The following EYS variants were observed in gnomAD, a reference collection of about 807,000 sequenced individuals.
EYS encodes the protein protein eyes shut homolog.
In EYS, 250 loss-of-function variants were observed where a neutral mutation model predicts 282.1. The observed-to-expected ratio is 0.89, with a 90% CI of 0.80 to 0.98. EYS has a LOEUF of 0.98. EYS is among the 50% of genes least tolerant of loss of function. The probability of loss-of-function intolerance (pLI) is 0.00; values close to 1 mark genes in which losing one functional copy is unlikely to be tolerated. For synonymous variants in EYS, 1,355 were observed against 1,282.9 expected (o/e 1.06, Z -1.20); for missense variants, 4,016 against 3,709.0 (o/e 1.08, Z -2.15).
chr6:65,577,769 C>T (rs1305838057), intron 2 of EYS, among the ~76,000 whole-genome samples: 2 of 139,074 alleles, frequency 1.4e-5, no homozygotes, highest in South Asian at 2.3e-4. Flanking sequence ...AAAAAATGGA[C>T]AAAATACCTG....
intron 29 of EYS, among the ~76,000 whole-genome samples, chr6:64,315,840 C>G (rs1005802522): frequency 6.6e-6 from 1 of 152,120 alleles, no homozygotes; most frequent in African/African-American, 2.4e-5. Flanking sequence ...CAAACTGAAT[C>G]CAGCCACACA....
Position 65,606,226 on chromosome 6 carries a change from T to C in EYS, c.-333+33552A>G, listed in dbSNP as rs191821267. On this transcript the variant is annotated intron_variant, in intron 2 of 42. Coordinates refer to ENST00000503581, the MANE Select transcript of EYS (RefSeq NM_001142800.2). ...ATTCAAAAATAGTTTTAAAAATATGTTTAACCACTCTAAATGTACATTAAT... is the reference window on the plus strand; with the variant it reads ...ATTCAAAAATAGTTTTAAAAATATGCTTAACCACTCTAAATGTACATTAAT... 8.4e-4 allele frequency among the ~76,000 whole-genome samples: 128 copies of C among 151,798 alleles called. 1 individual carries two copies. Among genetic ancestry groups the C allele is most frequent in the Non-Finnish European group, 1.4e-3 (92 of 67,750 alleles).
At chr6:64,388,607 A>G in intron 29 of EYS, 83 bp downstream of exon 29, 1 of 1,295,590 alleles carries the variant, frequency 7.7e-7, no homozygotes, top group Non-Finnish European at 1.0e-6. Flanking sequence ...ATATTTCTAA[A>G]GTTTTTCTTT....
chr6:65,412,855 T>C (rs1311035151), intron 5 of EYS, among the ~76,000 whole-genome samples: 1 of 152,204 alleles, frequency 6.6e-6, no homozygotes, highest in Non-Finnish European at 1.5e-5. Flanking sequence ...AGTTTTTCTT[T>C]TATGAGTTGT....
At chr6:63,803,439 A>G (rs1770826815) in intron 37 of EYS, among the ~76,000 whole-genome samples, 1 of 152,174 alleles carries the variant, frequency 6.6e-6, no homozygotes, top group South Asian at 2.1e-4. Flanking sequence ...CCATTTCTAT[A>G]AGTGAGAAGA....
In EYS at chr6:64,362,024, A is replaced by G. The variant is rs570211807; in HGVS notation, c.6078+26666T>C. On this transcript the variant is annotated intron_variant, in intron 29 of 42. Transcript: ENST00000503581. ...CAGAAAAATTTTTAATTTTGTTTAT[A>G]TGGGATTGTTTGAACATTAAGTTTA... 2.0e-5 allele frequency among the ~76,000 whole-genome samples: 3 copies of G among 151,866 alleles called. No individual in the cohort carries two copies. The East Asian group carries it at 5.9e-4, about 30-fold the overall frequency.
chr6:64,193,945 G>A (rs1765198251), intron 31 of EYS, among the ~76,000 whole-genome samples: 1 of 152,158 alleles, frequency 6.6e-6, no homozygotes, highest in African/African-American at 2.4e-5. Flanking sequence ...ATTGTGAATA[G>A]TGCTGCAATA....
intron 30 of EYS, among the ~76,000 whole-genome samples, chr6:64,231,454 A>G (rs1376274273): frequency 6.6e-6 from 1 of 152,134 alleles, no homozygotes; most frequent in Non-Finnish European, 1.5e-5. Context: ...CTACTTTATC[A>G]TGATTCCTAA....
intron 30 of EYS, among the ~76,000 whole-genome samples, chr6:64,236,302 T>A (rs1766604531): frequency 6.6e-6 from 1 of 152,208 alleles, no homozygotes; most frequent in Non-Finnish European, 1.5e-5. Context: ...CTGATATGGA[T>A]CTATCATATT....
At chr6:64,723,693 A>G (rs1416348) in intron 22 of EYS, among the ~76,000 whole-genome samples, 143,481 of 152,250 alleles carry the variant, frequency 0.94, 68,037 homozygotes, top group East Asian at 1. Flanking sequence ...TGCAGAATGA[A>G]TTGCTATATG....
At chr6:64,508,517 C>T (rs186857776) in intron 26 of EYS, among the ~76,000 whole-genome samples, 22 of 150,430 alleles carry the variant, frequency 1.5e-4, no homozygotes, top group Admixed American at 3.3e-4. Context: ...AAATGATATC[C>T]GCATGCCTGG....
At chr6:65,685,340 C>G (rs780650274) in intron 1 of EYS, among the ~76,000 whole-genome samples, 8 of 152,016 alleles carry the variant, frequency 5.3e-5, no homozygotes, top group Non-Finnish European at 7.4e-5. Context: ...AATCAAGAAT[C>G]AAGTCTGTGC....
chr6:64,640,445 C>A (rs1768094488), intron 22 of EYS, among the ~76,000 whole-genome samples: 1 of 151,966 alleles, frequency 6.6e-6, no homozygotes. Context: ...TTGGAAATAT[C>A]ATTCTCAGTA....
chr6:65,274,748 A>C (rs1767996913), intron 12 of EYS, among the ~76,000 whole-genome samples: 1 of 152,134 alleles, frequency 6.6e-6, no homozygotes, highest in Non-Finnish European at 1.5e-5. Context: ...CTCTGGACCA[A>C]TTGGTAAGAC....
At chr6:64,559,245 C>T (rs1233562417) in intron 26 of EYS, among the ~76,000 whole-genome samples, 1 of 147,706 alleles carries the variant, frequency 6.8e-6, no homozygotes, top group East Asian at 2.0e-4. Flanking sequence ...TCTTTTCTTT[C>T]CTTCTTTGTA....
intron 2 of EYS, among the ~76,000 whole-genome samples, chr6:65,504,573 A>AT (rs1766582217): frequency 6.6e-6 from 1 of 151,398 alleles, no homozygotes; most frequent in African/African-American, 2.4e-5. Flanking sequence ...TTTCTCCTCT[A>AT]TTTTTGGCCT....
Position 64,796,796 on chromosome 6 carries a change from C to T in EYS, c.3443+16582G>A, listed in dbSNP as rs139735612. 3.4e-3 allele frequency among the ~76,000 whole-genome samples: 510 copies of T among 152,144 alleles called. 3 individuals carry two copies. Among genetic ancestry groups the T allele is most frequent in the African/African-American group, 0.012 (478 of 41,534 alleles). ...TTGTTCTTTTGCATATCCTAGACACCGTTTAAGCCTCAGGTATTTTTGTGT... is the reference window on the plus strand; with the variant it reads ...TTGTTCTTTTGCATATCCTAGACACTGTTTAAGCCTCAGGTATTTTTGTGT... On this transcript the variant is annotated intron_variant, in intron 22 of 42. Transcript: ENST00000503581.
chr6:65,171,865 T>C (rs1562003159), intron 12 of EYS, among the ~76,000 whole-genome samples: 2 of 151,578 alleles, frequency 1.3e-5, no homozygotes, highest in East Asian at 3.9e-4. Flanking sequence ...ATAATTTTTG[T>C]TGTATTTTAT....
At position 64,948,714 on chromosome 6, in the gene EYS, A is replaced by G. The variant is rs979302859; in HGVS notation, c.2260-2800T>C. On this transcript the variant is annotated intron_variant, in intron 14 of 42. Coordinates refer to ENST00000503581, the MANE Select transcript of EYS (RefSeq NM_001142800.2). ...GCCAATTTTGATGGAAAAGGAAAGTATTATTAAAATGTGTTTACCAAAAGG... is the reference window on the plus strand; with the variant it reads ...GCCAATTTTGATGGAAAAGGAAAGTGTTATTAAAATGTGTTTACCAAAAGG... Among the ~76,000 whole-genome samples the G allele has an allele frequency of 1.2e-4, 18 of 151,002 alleles. 1 individual carries two copies. Among genetic ancestry groups the G allele is most frequent in the South Asian group, 8.3e-4 (4 of 4,822 alleles).
Sources: gnomAD v4.1 joint callset for allele counts (sites outside exome capture counted in the v4.1 genomes callset) on GRCh38, gnomAD v4.1.1 for gene constraint, MANE v1.5 for transcripts, NCBI Gene and HGNC (gene_info 2026-07-23, HGNC 2026-07-21) for gene names.